ABLIM1: variants seen among roughly 807,000 people sequenced by gnomAD.
ABLIM1 encodes the protein actin binding LIM protein 1.
A neutral mutation model predicts 107.0 loss-of-function variants in ABLIM1; 40 were observed. The ratio of observed to expected loss-of-function variants is 0.37; its 90% CI spans 0.29 to 0.49. The LOEUF (loss-of-function observed/expected upper bound fraction) is 0.49. ABLIM1 is among the 20% of genes least tolerant of loss of function. The pLI, the probability that ABLIM1 is intolerant of heterozygous loss-of-function variation, is 0.97. For synonymous variants in ABLIM1, 357 were observed against 357.3 expected (o/e 1.00, Z 0.01); for missense variants, 857 against 1,008.5 (o/e 0.85, Z 2.04).
chr10:114,589,951 T>G (rs1009379114), intron 2 of ABLIM1, among the ~76,000 whole-genome samples: 1 of 152,188 alleles, frequency 6.6e-6, no homozygotes, highest in African/African-American at 2.4e-5. Flanking sequence ...CTGACTCACA[T>G]AGAGCAACTT....
chr10:114,602,330 A>C (rs1289331783), intron 1 of ABLIM1, among the ~76,000 whole-genome samples: 1 of 152,192 alleles, frequency 6.6e-6, no homozygotes, highest in Non-Finnish European at 1.5e-5. Flanking sequence ...CTTCAGAAGG[A>C]GTTCACTGTG....
At chr10:114,790,293 C>T in the ABLIM1 span, among the ~76,000 whole-genome samples, 5 of 150,816 alleles carry the variant, frequency 3.3e-5, no homozygotes, top group African/African-American at 1.2e-4. Context: ...AAGTGAATGT[C>T]AAAATTATAA....
intron 4 of ABLIM1, among the ~76,000 whole-genome samples, chr10:114,553,321 CA>C (rs1267357377): frequency 5.9e-5 from 9 of 152,202 alleles, no homozygotes; most frequent in Admixed American, 5.2e-4. Flanking sequence ...TAGCCAGGAT[CA>C]AAACTTCCAG....
At chr10:114,477,532 A>C (rs1327526266) in intron 8 of ABLIM1, among the ~76,000 whole-genome samples, 2 of 152,190 alleles carry the variant, frequency 1.3e-5, no homozygotes, top group Non-Finnish European at 2.9e-5. Flanking sequence ...CCTTTGCTGT[A>C]ATGATGCACC....
chr10:114,799,980 G>T, the ABLIM1 span, among the ~76,000 whole-genome samples: 1 of 152,136 alleles, frequency 6.6e-6, no homozygotes. Context: ...TTGCCATTTT[G>T]CCCAGGCTGG....
the ABLIM1 span, among the ~76,000 whole-genome samples, chr10:114,777,527 G>A: frequency 6.6e-6 from 1 of 152,128 alleles, no homozygotes; most frequent in African/African-American, 2.4e-5. Flanking sequence ...AAATAATTGA[G>A]GGTAACTGGC....
At chr10:114,667,388 T>A (rs1157408528) in intron 1 of ABLIM1, among the ~76,000 whole-genome samples, 1 of 152,230 alleles carries the variant, frequency 6.6e-6, no homozygotes, top group Non-Finnish European at 1.5e-5. Context: ...CAAGAGCATG[T>A]CTGCTCCTCT....
chr10:114,589,865 T>C (rs947593040), intron 2 of ABLIM1, among the ~76,000 whole-genome samples: 2 of 152,172 alleles, frequency 1.3e-5, no homozygotes, highest in Non-Finnish European at 2.9e-5. Context: ...GCATAGTCTA[T>C]GTGTACAGTG....
intron 1 of ABLIM1, among the ~76,000 whole-genome samples, chr10:114,731,033 T>C (rs1207326829): frequency 1.3e-5 from 2 of 152,210 alleles, no homozygotes; most frequent in Admixed American, 6.5e-5. Flanking sequence ...ATTGTACGGA[T>C]ACACCACATT....
intron 6 of ABLIM1, among the ~76,000 whole-genome samples, chr10:114,535,111 C>A (rs10159857): frequency 0.41 from 61,854 of 152,012 alleles, 13,807 homozygotes; most frequent in Non-Finnish European, 0.51. Flanking sequence ...TTGTTCTTCT[C>A]CAGTAAAGTG....
At chr10:114,605,092 C>G (rs1341063786) in intron 1 of ABLIM1, among the ~76,000 whole-genome samples, 6 of 152,298 alleles carry the variant, frequency 3.9e-5, no homozygotes, top group Non-Finnish European at 7.3e-5. Flanking sequence ...ACACAACAGC[C>G]TAGGCATCTC....
At chr10:114,801,062 T>C in the ABLIM1 span, among the ~76,000 whole-genome samples, 5 of 152,198 alleles carry the variant, frequency 3.3e-5, no homozygotes, top group East Asian at 1.9e-4. Context: ...TTGTATGGTA[T>C]ATATACATTA....
chr10:114,439,938 C>G (rs1342319430), intron 20 of ABLIM1, 144 bp downstream of exon 20: 5 of 1,415,880 alleles, frequency 3.5e-6, no homozygotes, highest in Non-Finnish European at 4.8e-6. Flanking sequence ...GTCTGCTCTT[C>G]ACGGCTATAG....
the ABLIM1 span, among the ~76,000 whole-genome samples, chr10:114,799,175 C>T: frequency 6.6e-6 from 1 of 152,174 alleles, no homozygotes; most frequent in Admixed American, 6.5e-5. Flanking sequence ...AAACATAGTG[C>T]AGGTCAATGT....
At chr10:114,512,111 G>A (rs976855059) in intron 6 of ABLIM1, among the ~76,000 whole-genome samples, 8 of 152,232 alleles carry the variant, frequency 5.3e-5, no homozygotes, top group Admixed American at 4.6e-4. Context: ...AGCACAAGAT[G>A]ACTCAGGTGA....
At chr10:114,556,753 G>A (rs888843634) in intron 4 of ABLIM1, among the ~76,000 whole-genome samples, 2 of 152,172 alleles carry the variant, frequency 1.3e-5, no homozygotes, top group Non-Finnish European at 1.5e-5. Flanking sequence ...AATGTTGCCA[G>A]GTCCCAAATC....
intron 1 of ABLIM1, among the ~76,000 whole-genome samples, chr10:114,714,128 G>A (rs923258831): frequency 3.9e-5 from 6 of 152,300 alleles, no homozygotes; most frequent in Admixed American, 6.5e-5. Context: ...GCCCTTCTAT[G>A]TTGTTTAGCC....
chr10:114,749,146 CT>C (rs1267450196), intron 1 of ABLIM1, among the ~76,000 whole-genome samples: 2 of 152,128 alleles, frequency 1.3e-5, no homozygotes, highest in Admixed American at 6.5e-5. Flanking sequence ...AGACACCTTG[CT>C]TTCTAAACTT....
intron 1 of ABLIM1, among the ~76,000 whole-genome samples, chr10:114,657,366 A>G (rs796963133): frequency 2.7e-4 from 41 of 152,342 alleles, no homozygotes; most frequent in African/African-American, 8.9e-4. Flanking sequence ...TCCCAAGTGC[A>G]ATAACTCTAT....
Sources: gnomAD v4.1 joint callset for allele counts (sites outside exome capture counted in the v4.1 genomes callset) on GRCh38, gnomAD v4.1.1 for gene constraint, MANE v1.5 for transcripts, NCBI Gene and HGNC (gene_info 2026-07-23, HGNC 2026-07-21) for gene names.